Variants in ZNF718 observed in about 807,000 individuals in gnomAD.
ZNF718 encodes zinc finger protein 718.
A neutral mutation model predicts 2.6 loss-of-function variants in ZNF718; 3 were observed. The ratio of observed to expected loss-of-function variants is 1.16; its 90% CI spans 0.53 to 3.01. The LOEUF (loss-of-function observed/expected upper bound fraction) is 3.01. ZNF718 is among the 30% of genes most tolerant of loss of function. ZNF718 has a pLI of 0.03. For missense variants in ZNF718, 468 were observed against 230.0 expected (o/e 2.03, Z -6.69); for synonymous variants, 135 against 77.9 (o/e 1.73, Z -3.86).
chr4:141,476 G>A (rs1456793211), intron 3 of ZNF718, among the ~76,000 whole-genome samples: 2 of 152,122 alleles, frequency 1.3e-5, no homozygotes, highest in African/African-American at 4.8e-5. Context: ...CATGAAGCTG[G>A]ATATAATGTA....
In ZNF718 at chr4:173,525, C is replaced by T. The variant is rs113611029; in HGVS notation, c.227-27556C>T. ...AGAGCCCTAGAACTAGGAAAGAAAC[C>T]AATAGTTACTATTTATACACAGTTC... On this transcript the variant is annotated intron_variant and NMD_transcript_variant, in intron 3 of 4. Transcript: ENST00000642529. 5.8e-4 allele frequency among the ~76,000 whole-genome samples: 88 copies of T among 152,196 alleles called. No homozygotes were observed. In the South Asian group the frequency reaches 0.017, roughly 29 times the overall value.
chr4:144,987 G>A (rs1324633472), intron 3 of ZNF718, among the ~76,000 whole-genome samples: 4 of 151,370 alleles, frequency 2.6e-5, no homozygotes, highest in East Asian at 1.9e-4. Context: ...ATAGCCACTC[G>A]TACACTTTTT....
chr4:167,694 T>C (rs142074439), downstream of ZNF718, among the ~76,000 whole-genome samples: 1 of 152,180 alleles, frequency 6.6e-6, no homozygotes, highest in Non-Finnish European at 1.5e-5. Flanking sequence ...TTTTGCACAT[T>C]GATTTTGTGT....
In ZNF718 at chr4:132,058, A is replaced by C. The variant is rs1205841347; in HGVS notation, c.226+553A>C. Among the ~76,000 whole-genome samples, 19 of 92,176 alleles carry C rather than the reference A, an allele frequency of 2.1e-4. 6 individuals carry two copies. The highest frequency in any genetic ancestry group is 7.3e-4 in the African/African-American group (19 of 26,080). 60.5% of individuals were successfully genotyped at this position (92,176 alleles called of 152,430 possible). A position where few individuals can be genotyped will look rare whatever the true frequency, so the allele number is the denominator to read the frequency against. On this transcript the variant is annotated intron_variant, in intron 3 of 3. Transcript: ENST00000510175. ...AGACTCCGTCTCAAAAAAAAAAAAAACCCAGGAGGCAGAGGTTGCGGTCGG... is the reference window on the plus strand; with the variant it reads ...AGACTCCGTCTCAAAAAAAAAAAAACCCCAGGAGGCAGAGGTTGCGGTCGG...
At chr4:166,008 A>G (rs1553816757), downstream of ZNF718, among the ~76,000 whole-genome samples, 1 of 151,814 alleles carries the variant, frequency 6.6e-6, no homozygotes, top group African/African-American at 2.4e-5. Context: ...CCCTCCCCCA[A>G]CCCCACAGCA....
chr4:138,050 GAT>G (rs1331062074), intron 3 of ZNF718, among the ~76,000 whole-genome samples: 2 of 152,186 alleles, frequency 1.3e-5, no homozygotes, highest in Middle Eastern at 3.2e-3. Context: ...GGTTACATGA[GAT>G]ATTTTGATGT....
At chr4:149,206 C>T (rs560213050) in intron 3 of ZNF718, among the ~76,000 whole-genome samples, 1 of 152,202 alleles carries the variant, frequency 6.6e-6, no homozygotes, top group African/African-American at 2.4e-5. Context: ...AATAAAATGC[C>T]CAAGTTTACA....
chr4:198,178 A>C (rs545169225), intron 3 of ZNF718, among the ~76,000 whole-genome samples: 2 of 152,160 alleles, frequency 1.3e-5, no homozygotes, highest in South Asian at 2.1e-4. Flanking sequence ...AAACGTGCTA[A>C]GAGCCAGCAG....
chr4:124,555 C>T lies in ZNF718; in HGVS notation c.-116C>T, dbSNP rs920197356. 1.2e-4 allele frequency: 170 copies of T among 1,474,786 alleles called. No homozygotes were observed. The highest frequency in any genetic ancestry group is 1.4e-5 in the Non-Finnish European group (15 of 1,070,032). The allele number at this position is 1,474,786 out of a possible 1,614,324, so 91.4% of individuals were successfully genotyped here. ...CGGTTAGGGCCTCATCGCTCTGCTC[C>T]CGCTCCTTAGGGAAGCCTCGGTGAT... On this transcript the variant is annotated 5_prime_UTR_variant, in exon 1 of 4. Coordinates refer to ENST00000510175, the MANE Select transcript of ZNF718 (RefSeq NM_001039127.6).
In ZNF718 at chr4:161,157, T is replaced by G; in HGVS notation, c.472T>G (p.Ser158Ala). Residue 158 changes from serine (S) to alanine (A), a missense_variant, in exon 4 of 4, where the codon TCA becomes GCA. Physicochemically the swap from Ser to Ala is moderately conservative, Grantham distance 99 (BLOSUM62 1). Coordinates refer to ENST00000510175, the MANE Select transcript of ZNF718 (RefSeq NM_001039127.6). The stretch of plus-strand genomic sequence containing the variant: ...CAAAGTTTTTCATAAATTTTCAAAT[T>G]CAAACAAAGATAAGATAAGATATAC... ...CVKVFHKFSN[S>A]NKDKIRYTGD... The G allele has an allele frequency of 2.6e-6, 2 of 759,910 alleles. No individual in the cohort carries two copies. Among genetic ancestry groups the G allele is most frequent in the South Asian group, 2.8e-5 (2 of 72,542 alleles). 47.1% of individuals were successfully genotyped at this position (759,910 alleles called of 1,614,324 possible).
chr4:145,785 T>G (rs1353704543), intron 3 of ZNF718, among the ~76,000 whole-genome samples: 1 of 152,128 alleles, frequency 6.6e-6, no homozygotes, highest in Non-Finnish European at 1.5e-5. Context: ...ACCAAACAGC[T>G]TTGTGAGATC....
rs1165756029 is a variant in ZNF718 at position 128,864 on chromosome 4, C to T, written c.4-1924C>T. The stretch of plus-strand genomic sequence containing the variant: ...TGGTGAAAAATGAGGAATCTGGAGA[C>T]TCAAACTGATCAATAAGCTAATTGC... On this transcript the variant is annotated intron_variant, in intron 1 of 3. Coordinates refer to ENST00000510175, the MANE Select transcript of ZNF718 (RefSeq NM_001039127.6). 2.9e-5 allele frequency among the ~76,000 whole-genome samples: 3 copies of T among 104,228 alleles called. 1 individual carries two copies. Among genetic ancestry groups the T allele is most frequent in the Non-Finnish European group, 4.3e-5 (2 of 46,722 alleles). The allele number at this position is 104,228 out of a possible 152,430, so 68.4% of individuals were successfully genotyped here. A position where few individuals can be genotyped will look rare whatever the true frequency, so the allele number is the denominator to read the frequency against.
chr4:171,813 C>T (rs1553818101), intron 3 of ZNF718, among the ~76,000 whole-genome samples: 2 of 152,188 alleles, frequency 1.3e-5, no homozygotes, highest in Non-Finnish European at 2.9e-5. Context: ...ATGCCTCGCC[C>T]TGCTTCAGCT....
intron 3 of ZNF718, among the ~76,000 whole-genome samples, chr4:133,138 CA>C (rs1715386562): frequency 1.3e-5 from 1 of 76,176 alleles, no homozygotes; most frequent in Non-Finnish European, 2.6e-5. Context: ...GATCGTGCCA[CA>C]GGCACTCCAG....
chr4:162,376 G>T lies in ZNF718; in HGVS notation c.*254G>T. The T allele has an allele frequency of 2.8e-6, 1 of 351,496 alleles. No individual in the cohort carries two copies. The highest frequency in any genetic ancestry group is 5.1e-6 in the Non-Finnish European group (1 of 194,858). The allele number at this position is 351,496 out of a possible 1,614,324, so 21.8% of individuals were successfully genotyped here. A position where few individuals can be genotyped will look rare whatever the true frequency, so the allele number is the denominator to read the frequency against. ...AAACCCCTAGGAATATTAAAAGTGT[G>T]GCAAAACCTTTAACCAATGCTCATA... is the stretch of plus-strand genomic sequence containing the variant. On this transcript the variant is annotated 3_prime_UTR_variant, in exon 4 of 4. Transcript: ENST00000510175.
intron 3 of ZNF718, among the ~76,000 whole-genome samples, chr4:150,556 C>T (rs1182634762): frequency 1.3e-5 from 2 of 152,066 alleles, no homozygotes; most frequent in African/African-American, 4.8e-5. Context: ...CCTCCAGGTT[C>T]ATCCGTGTCC....
At chr4:185,397 G>T (rs563962870) in intron 3 of ZNF718, among the ~76,000 whole-genome samples, 1 of 152,242 alleles carries the variant, frequency 6.6e-6, no homozygotes, top group South Asian at 2.1e-4. Flanking sequence ...TTTTGCACTT[G>T]CTGAGGCATG....
intron 3 of ZNF718, among the ~76,000 whole-genome samples, chr4:181,114 T>C (rs149071667): frequency 6.8e-6 from 1 of 147,424 alleles, no homozygotes; most frequent in African/African-American, 2.5e-5. Flanking sequence ...CTCAATCTCC[T>C]CTCCTGAGGA....
At chr4:166,085 G>T (rs886389174), downstream of ZNF718, among the ~76,000 whole-genome samples, 3 of 152,104 alleles carry the variant, frequency 2.0e-5, no homozygotes, top group Non-Finnish European at 4.4e-5. Context: ...CCACCTATGA[G>T]TGAGAACGTG....
Sources: allele counts gnomAD v4.1 joint callset (sites outside exome capture counted in the v4.1 genomes callset), GRCh38; gene constraint gnomAD v4.1.1; transcripts MANE v1.5; gene names NCBI Gene and HGNC (gene_info 2026-07-23, HGNC 2026-07-21).